ACP6: variants seen among roughly 807,000 people sequenced by gnomAD.
The protein encoded by ACP6 is lysophosphatidic acid phosphatase type 6.
In ACP6, 48 loss-of-function variants were observed where a neutral mutation model predicts 48.1. That is an observed-to-expected ratio of 1.00 (90% CI 0.79 to 1.27). The LOEUF is 1.27. Among genes scored for constraint, ACP6 ranks in the 50% most tolerant of loss-of-function variants. ACP6 has a pLI of 0.00. For missense variants in ACP6, 485 were observed against 529.1 expected (o/e 0.92, Z 0.82); for synonymous variants, 172 against 204.2 (o/e 0.84, Z 1.34).
rs781901499 is a variant in ACP6, at chr1:147,647,470, C to A, written c.1240G>T (p.Ala414Ser). ...ATCACCTGAGTTTGAGAGCAGAGTG[C>A]GTGGTATTTTTCTGGGCTTAAGGTA... ...VYTLSPEKYH[A>S]LCSQTQVMEV... Residue 414 changes from alanine (A) to serine (S), a missense_variant, in exon 10 of 10, where the codon GCA becomes TCA. By Grantham distance (99) the Ala-to-Ser change is moderately conservative. Coordinates refer to ENST00000583509, the MANE Select transcript of ACP6 (RefSeq NM_016361.5). 6.2e-7 allele frequency: 1 copy of A among 1,614,076 alleles called. No homozygotes were observed. The highest frequency in any genetic ancestry group is 1.3e-5 in the African/African-American group (1 of 74,924).
chr1:147,631,219 C>T (rs1299115135), intron 5 of ACP6, among the ~76,000 whole-genome samples: 2 of 152,172 alleles, frequency 1.3e-5, no homozygotes, highest in Non-Finnish European at 2.9e-5. Context: ...CTCTGAATTT[C>T]TCTCACATCT....
intron 4 of ACP6, among the ~76,000 whole-genome samples, chr1:147,657,565 C>T (rs1023092142): frequency 3.3e-5 from 5 of 152,154 alleles, no homozygotes; most frequent in Non-Finnish European, 7.4e-5. Context: ...GGATTACAGG[C>T]GCCCACCACC....
intron 1 of ACP6, among the ~76,000 whole-genome samples, chr1:147,662,252 G>A (rs1660583560): frequency 1.3e-5 from 2 of 152,110 alleles, no homozygotes; most frequent in South Asian, 4.1e-4. Context: ...CTAACACAAT[G>A]TCCTTTCTGC....
chr1:147,652,858 G>A (rs143830641), intron 6 of ACP6, among the ~76,000 whole-genome samples: 2,361 of 151,246 alleles, frequency 0.016, 32 homozygotes, highest in Non-Finnish European at 0.025. Context: ...ACGGAGTCCC[G>A]CTCTGTCGCC....
At chr1:147,666,922 A>G (rs1660826861) in intron 1 of ACP6, among the ~76,000 whole-genome samples, 1 of 152,212 alleles carries the variant, frequency 6.6e-6, no homozygotes, top group Non-Finnish European at 1.5e-5. Flanking sequence ...TGTCAAATAA[A>G]TAGGGACCCA....
rs1319972825 is a variant in ACP6, at chr1:147,669,905, C to T, written c.144G>A (p.Leu48=). ...DGQCPVDRSL[L]KLKMVQVVFR... is the part of the protein sequence containing the mutation. The stretch of plus-strand genomic sequence containing the variant: ...ACACGACCTGCACCATTTTCAACTT[C>T]AGCAGGCTGCGGTCGACCGGACACT... Residue 48 remains leucine (L), a synonymous_variant, in exon 1 of 10, where the codon CTG becomes CTA. Transcript: ENST00000583509. 6.3e-6 allele frequency: 10 copies of T among 1,596,136 alleles called. No individual in the cohort carries two copies. The Admixed American group carries it at 1.7e-4, about 27-fold the overall frequency.
intron 1 of ACP6, among the ~76,000 whole-genome samples, chr1:147,666,299 T>C (rs1020887580): frequency 2.6e-5 from 4 of 152,216 alleles, no homozygotes; most frequent in Middle Eastern, 3.2e-3. Flanking sequence ...ATAATGAACA[T>C]CTTTTCAGCA....
At chr1:147,658,546 C>T (rs33965274) in intron 4 of ACP6, among the ~76,000 whole-genome samples, 46,918 of 152,094 alleles carry the variant, frequency 0.31, 9,280 homozygotes, top group Non-Finnish European at 0.43. Context: ...AAAGGCTAGA[C>T]GGAACAGTGT....
At chr1:147,663,635 A>G (rs1660654429) in intron 1 of ACP6, among the ~76,000 whole-genome samples, 1 of 151,882 alleles carries the variant, frequency 6.6e-6, no homozygotes, top group Non-Finnish European at 1.5e-5. Context: ...ACACAGCAAG[A>G]CCCCATCTCT....
At chr1:147,632,815 CACCTAT>C (rs1659205632) in intron 5 of ACP6, among the ~76,000 whole-genome samples, 3 of 152,058 alleles carry the variant, frequency 2.0e-5, no homozygotes, top group African/African-American at 7.2e-5. Context: ...TGGAAGCACG[CACCTAT>C]TCTGGGGTTG....
downstream of ACP6, among the ~76,000 whole-genome samples, chr1:147,639,191 T>C (rs1399822152): frequency 6.6e-6 from 1 of 152,224 alleles, no homozygotes; most frequent in African/African-American, 2.4e-5. Context: ...TAAATCTCCA[T>C]GGTGCTATAT....
At chr1:147,668,494 AT>A (rs1373484179) in intron 1 of ACP6, among the ~76,000 whole-genome samples, 6 of 152,022 alleles carry the variant, frequency 3.9e-5, no homozygotes, top group East Asian at 3.9e-4. Flanking sequence ...ACCACTGATA[AT>A]TTTTTGTCTT....
Position 147,664,655 on chromosome 1 carries a change from T to C in ACP6, c.220-4880A>G, listed in dbSNP as rs587597009. Among the ~76,000 whole-genome samples, 5 of 152,318 alleles carry C rather than the reference T, an allele frequency of 3.3e-5. No individual in the cohort carries two copies. In the South Asian group the frequency reaches 1.0e-3, roughly 32 times the overall value. On this transcript the variant is annotated intron_variant, in intron 1 of 9. Coordinates refer to ENST00000583509, the MANE Select transcript of ACP6 (RefSeq NM_016361.5). ...CCTCACACACAGTAGGTACAATTAA[T>C]AGCTCCAACAATTTGCCAGCTCCTG...
chr1:147,658,536 A>G (rs759863466), intron 4 of ACP6, among the ~76,000 whole-genome samples: 6 of 152,228 alleles, frequency 3.9e-5, no homozygotes, highest in Non-Finnish European at 8.8e-5. Context: ...CTCAACTAGG[A>G]AAGGCTAGAC....
chr1:147,633,956 T>A (rs1464369154), intron 5 of ACP6, among the ~76,000 whole-genome samples: 3 of 152,200 alleles, frequency 2.0e-5, no homozygotes, highest in Admixed American at 6.5e-5. Flanking sequence ...TGTGCAATCA[T>A]AATCGCCATC....
Position 147,650,297 on chromosome 1 carries a change from G to A in ACP6, c.882-59C>T. 4 of 1,264,868 alleles carry A rather than the reference G, an allele frequency of 3.2e-6. 1 individual carries two copies. The highest frequency in any genetic ancestry group is 4.4e-6 in the Non-Finnish European group (4 of 909,964). 78.4% of individuals were successfully genotyped at this position (1,264,868 alleles called of 1,614,324 possible). ...GGGCACTCAGCATTCAGGGGACACA[G>A]ACTGATTCTGCCCCCAGGACCTCAT... On this transcript the variant is annotated intron_variant, in intron 7 of 9. Coordinates refer to ENST00000583509, the MANE Select transcript of ACP6 (RefSeq NM_016361.5).
chr1:147,664,690 C>T (rs1406085908), intron 1 of ACP6, among the ~76,000 whole-genome samples: 6 of 152,146 alleles, frequency 3.9e-5, no homozygotes, highest in Non-Finnish European at 4.4e-5. Context: ...GTGGAAGATA[C>T]CCATCTTGAG....
At position 147,659,017 on chromosome 1, in the gene ACP6, G is replaced by T. The variant is rs978886014; in HGVS notation, c.502C>A (p.Arg168=). 3.1e-6 allele frequency: 5 copies of T among 1,610,848 alleles called. No individual in the cohort carries two copies. Among genetic ancestry groups the T allele is most frequent in the Non-Finnish European group, 4.2e-6 (5 of 1,178,736 alleles). Residue 168 remains arginine, a synonymous_variant, in exon 4 of 10, where the codon CGG becomes AGG. Transcript: ENST00000583509. ...AAACAACGGGTGGACTCCAGATTCCGAAAAATGTTAGTGGAACGAATACTG... is the reference window on the plus strand; with the variant it reads ...AAACAACGGGTGGACTCCAGATTCCTAAAAATGTTAGTGGAACGAATACTG... ...EVFIRSTNIF[R]NLESTRCLLA... is the part of the protein sequence containing the mutation.
intron 6 of ACP6, among the ~76,000 whole-genome samples, chr1:147,652,974 C>T (rs1660029520): frequency 6.6e-6 from 1 of 152,256 alleles, no homozygotes; most frequent in Admixed American, 6.5e-5. Flanking sequence ...CTACAGGTGC[C>T]CGCCACCACG....
Sources: gnomAD v4.1 joint callset for allele counts (sites outside exome capture counted in the v4.1 genomes callset) on GRCh38, gnomAD v4.1.1 for gene constraint, MANE v1.5 for transcripts, NCBI Gene and HGNC (gene_info 2026-07-23, HGNC 2026-07-21) for gene names.